Variants in STXBP4 observed in about 807,000 individuals in gnomAD.
The protein encoded by STXBP4 is syntaxin binding protein 4.
STXBP4 carries 55 observed loss-of-function variants against 76.1 expected under a neutral mutation model. The observed-to-expected ratio is 0.72, with a 90% CI of 0.58 to 0.91. The LOEUF (loss-of-function observed/expected upper bound fraction) is 0.91. Ranked by LOEUF, STXBP4 falls within the 40% of genes least tolerant of loss-of-function variation. The pLI, the probability that STXBP4 is intolerant of heterozygous loss-of-function variation, is 0.00. For missense variants in STXBP4, 618 were observed against 636.9 expected, an observed-to-expected ratio of 0.97 and a Z score of 0.32; for synonymous variants, 201 against 220.2, an observed-to-expected ratio of 0.91 and a Z score of 0.77.
intron 14 of STXBP4, 87 bp downstream of exon 14, chr17:55,078,281 G>C (rs1017536685): frequency 1.1e-5 from 9 of 853,076 alleles, no homozygotes; most frequent in Non-Finnish European, 1.7e-5. Flanking sequence ...TTGGTACCTA[G>C]TGAAACATTC....
intron 8 of STXBP4, among the ~76,000 whole-genome samples, chr17:55,024,317 A>G (rs1300157882): frequency 6.6e-6 from 1 of 152,280 alleles, no homozygotes; most frequent in Admixed American, 6.5e-5. Context: ...GGAGATATGT[A>G]CAATGCAGTA....
intron 10 of STXBP4, among the ~76,000 whole-genome samples, chr17:55,034,687 C>T (rs1243734375): frequency 6.6e-6 from 1 of 152,020 alleles, no homozygotes; most frequent in East Asian, 1.9e-4. Context: ...GATCAAGAAA[C>T]ATAATATTAA....
At position 55,168,173 on chromosome 17, in the gene STXBP4, C is replaced by A. The variant is rs1486321529; in HGVS notation, c.*8262C>A. The A allele has an allele frequency of 6.6e-6, 1 of 151,684 alleles. No individual in the cohort carries two copies. The highest frequency in any genetic ancestry group is 1.5e-5 in the Non-Finnish European group (1 of 67,898). The allele number at this position is 151,684 out of a possible 1,614,324, so 9.4% of individuals were successfully genotyped here. A position where few individuals can be genotyped will look rare whatever the true frequency, so the allele number is the denominator to read the frequency against. On this transcript the variant is annotated 3_prime_UTR_variant, in exon 18 of 18. Coordinates refer to ENST00000376352, the MANE Select transcript of STXBP4 (RefSeq NM_178509.6). ...AAATTTGAAGGAAATAGAATGCATA[C>A]ATACACACACATACACTTAGTATAT...
At chr17:55,073,935 A>G (rs1053953694) in intron 13 of STXBP4, among the ~76,000 whole-genome samples, 2 of 152,116 alleles carry the variant, frequency 1.3e-5, no homozygotes, top group Non-Finnish European at 2.9e-5. Flanking sequence ...GGACAGTGCA[A>G]ACTTTTTTAT....
In STXBP4 at chr17:54,990,808, A is replaced by G. The variant is rs777122781; in HGVS notation, c.48-17A>G. ...ATCTCTAGACTAACCTGTGTGTGCT[A>G]ATTTACTTTATCTTAGGGATCCTGC... On this transcript the variant is annotated splice_polypyrimidine_tract_variant and intron_variant, in intron 3 of 17. Coordinates refer to ENST00000376352, the MANE Select transcript of STXBP4 (RefSeq NM_178509.6). 1.3e-6 allele frequency: 2 copies of G among 1,589,348 alleles called. No homozygotes were observed. Among genetic ancestry groups the G allele is most frequent in the Non-Finnish European group, 1.7e-6 (2 of 1,172,324 alleles).
At chr17:55,017,160 G>GT (rs1216518721) in intron 8 of STXBP4, among the ~76,000 whole-genome samples, 2 of 152,112 alleles carry the variant, frequency 1.3e-5, no homozygotes, top group South Asian at 4.2e-4. Flanking sequence ...GGGCACACTG[G>GT]TTTTTTACTA....
intron 12 of STXBP4, among the ~76,000 whole-genome samples, chr17:55,065,906 T>TGGGAG (rs1338971736): frequency 6.6e-6 from 1 of 152,182 alleles, no homozygotes; most frequent in East Asian, 1.9e-4. Flanking sequence ...TGAAAGCTCT[T>TGGGAG]GGGAGGGTTA....
rs757667046 is a variant in STXBP4, at chr17:55,168,805, G to A, written c.*8894G>A. On this transcript the variant is annotated 3_prime_UTR_variant, in exon 18 of 18. Transcript: ENST00000376352. Reference sequence around the variant, plus strand: ...AGGAATATTCTACTGCAGTCTCTGAGATTTTTTTCCCTGTCTTAGACATCC... The same window carrying A: ...AGGAATATTCTACTGCAGTCTCTGAAATTTTTTTCCCTGTCTTAGACATCC... 1.7e-4 allele frequency: 26 copies of A among 152,146 alleles called. No homozygotes were observed. Among genetic ancestry groups the A allele is most frequent in the African/African-American group, 6.3e-4 (26 of 41,442 alleles). The allele number at this position is 152,146 out of a possible 1,614,324, so 9.4% of individuals were successfully genotyped here. A position where few individuals can be genotyped will look rare whatever the true frequency, so the allele number is the denominator to read the frequency against.
intron 17 of STXBP4, among the ~76,000 whole-genome samples, chr17:55,143,940 T>C (rs1428251714): frequency 6.6e-6 from 1 of 151,076 alleles, no homozygotes; most frequent in African/African-American, 2.4e-5. Context: ...GTCATCAAGG[T>C]CACACAGTAA....
intron 7 of STXBP4, among the ~76,000 whole-genome samples, chr17:55,003,178 A>G (rs1230224216): frequency 3.3e-5 from 5 of 152,212 alleles, no homozygotes; most frequent in Admixed American, 3.3e-4. Flanking sequence ...GCATAGAACT[A>G]AGGATGAGCT....
chr17:55,148,107 C>T (rs1045580741), intron 17 of STXBP4, among the ~76,000 whole-genome samples: 1 of 152,212 alleles, frequency 6.6e-6, no homozygotes, highest in African/African-American at 2.4e-5. Context: ...GACTCTACAG[C>T]ATAACTAAGT....
chr17:55,213,080 C>T, the STXBP4 span, among the ~76,000 whole-genome samples: 1 of 152,156 alleles, frequency 6.6e-6, no homozygotes, highest in Admixed American at 6.5e-5. Flanking sequence ...GAGGCATCTA[C>T]AGGACAGAAG....
chr17:54,991,004 A>T, intron 4 of STXBP4, 47 bp downstream of exon 4: 1 of 1,463,602 alleles, frequency 6.8e-7, no homozygotes, highest in Non-Finnish European at 9.0e-7. Context: ...AAAAAGACCC[A>T]CCAGTGGTAA....
In STXBP4 at chr17:55,010,959, T is replaced by C. The variant is rs199885067; in HGVS notation, c.666+3362T>C. ...TTAATAAATTATTGGAACCAACTTT[T>C]TGTTTTACTTTTTTCCCCATACATA... On this transcript the variant is annotated intron_variant, in intron 8 of 17. Transcript: ENST00000376352. Among the ~76,000 whole-genome samples, 125 of 152,338 alleles carry C rather than the reference T, an allele frequency of 8.2e-4. No homozygotes were observed. In the East Asian group the frequency reaches 0.011, roughly 13 times the overall value.
chr17:55,100,645 G>C (rs1399836690), intron 16 of STXBP4, among the ~76,000 whole-genome samples: 1 of 152,132 alleles, frequency 6.6e-6, no homozygotes, highest in Non-Finnish European at 1.5e-5. Context: ...GGTTTTTAAA[G>C]GTAATATAAA....
chr17:55,004,720 A>G (rs2144523305), intron 7 of STXBP4, among the ~76,000 whole-genome samples: 1 of 144,914 alleles, frequency 6.9e-6, no homozygotes, highest in Non-Finnish European at 1.5e-5. Context: ...AAGGAGAAGG[A>G]GGAGGAGGGG....
chr17:55,193,816 A>AG, the STXBP4 span, among the ~76,000 whole-genome samples: 1 of 8,660 alleles, frequency 1.2e-4, no homozygotes, highest in Non-Finnish European at 4.1e-4. Flanking sequence ...CTGATTTCAG[A>AG]AAAAAAAAAA....
chr17:54,996,954 T>C (rs1306823798), intron 4 of STXBP4, among the ~76,000 whole-genome samples: 1 of 152,214 alleles, frequency 6.6e-6, no homozygotes, highest in Admixed American at 6.5e-5. Context: ...TTTCAACATC[T>C]ACATGAATGT....
chr17:55,046,245 C>G (rs911455389), intron 11 of STXBP4, among the ~76,000 whole-genome samples: 7 of 151,992 alleles, frequency 4.6e-5, no homozygotes, highest in Admixed American at 1.3e-4. Flanking sequence ...CCAGCAGTCT[C>G]TTGGCTCCTG....
Sources: allele counts gnomAD v4.1 joint callset (sites outside exome capture counted in the v4.1 genomes callset), GRCh38; gene constraint gnomAD v4.1.1; transcripts MANE v1.5; gene names NCBI Gene and HGNC (gene_info 2026-07-23, HGNC 2026-07-21).